INSR: variants seen among roughly 807,000 people sequenced by gnomAD.
INSR encodes insulin receptor.
INSR carries 67 observed loss-of-function variants against 142.6 expected under a neutral mutation model. The ratio of observed to expected loss-of-function variants is 0.47; its 90% CI spans 0.39 to 0.58. INSR has a LOEUF of 0.58. Ranked by LOEUF, INSR falls within the 20% of genes least tolerant of loss-of-function variation. INSR has a pLI of 0.00. For missense variants in INSR, 1,248 were observed against 1,833.2 expected (o/e 0.68, Z 5.83); for synonymous variants, 756 against 743.1 (o/e 1.02, Z -0.28).
chr19:7,283,601 G>C (rs534259447), intron 1 of INSR, among the ~76,000 whole-genome samples: 2 of 152,206 alleles, frequency 1.3e-5, no homozygotes, highest in East Asian at 3.9e-4. Context: ...CACCGTGCTC[G>C]GCTAATTTTT....
chr19:7,250,291 A>G (rs1270090870), intron 2 of INSR, among the ~76,000 whole-genome samples: 1 of 133,444 alleles, frequency 7.5e-6, no homozygotes, highest in East Asian at 2.5e-4. Context: ...AGGGGAGGAG[A>G]AGAAGGGGAG....
chr19:7,183,718 T>C (rs1395116054), intron 3 of INSR, among the ~76,000 whole-genome samples: 1 of 152,064 alleles, frequency 6.6e-6, no homozygotes, highest in Non-Finnish European at 1.5e-5. Context: ...CTGTCCTTAT[T>C]ATATTTTCTT....
At chr19:7,134,403 A>C (rs1035143513) in intron 13 of INSR, among the ~76,000 whole-genome samples, 1 of 152,026 alleles carries the variant, frequency 6.6e-6, no homozygotes, top group Non-Finnish European at 1.5e-5. Context: ...CTTAATGTCT[A>C]AGGACAAATA....
At chr19:7,158,418 G>A (rs993754270) in intron 9 of INSR, among the ~76,000 whole-genome samples, 9 of 152,164 alleles carry the variant, frequency 5.9e-5, no homozygotes, top group East Asian at 3.9e-4. Context: ...GGAGAATGGC[G>A]TGAACCCGGG....
rs1161289283 is a variant in INSR, at chr19:7,243,234, G to GTTTTTTT, written c.652+24104_652+24110dup. 5.3e-4 allele frequency among the ~76,000 whole-genome samples: 36 copies of GTTTTTTT among 68,212 alleles called. 2 individuals are homozygous for GTTTTTTT. Among genetic ancestry groups the GTTTTTTT allele is most frequent in the South Asian group, 8.4e-4 (1 of 1,188 alleles). The allele number at this position is 68,212 out of a possible 152,430, so 44.7% of individuals were successfully genotyped here. On this transcript the variant is annotated intron_variant, in intron 2 of 21. Transcript: ENST00000302850. ...TCACAGCCAGTCACACACTGTTTTGGTTTTTTTTTTTTTTTTTTTTTTTTT... is the reference window on the plus strand; with the variant it reads ...TCACAGCCAGTCACACACTGTTTTGGTTTTTTTTTTTTTTTTTTTTTTTTTTTTTTTT...
Position 7,122,752 on chromosome 19 carries a change from G to T in INSR, c.3391C>A (p.Pro1131Thr). The T allele has an allele frequency of 1.9e-6, 3 of 1,614,166 alleles. No homozygotes were observed. Among genetic ancestry groups the T allele is most frequent in the Non-Finnish European group, 2.5e-6 (3 of 1,180,004 alleles). The change falls in exon 19 of 22, where the codon CCT becomes ACT. Residue 1131 changes from proline (P) to threonine (T), a missense_variant. Transcript: ENST00000302850. ...ATCTGAATCATCTCTTGAAGGGTAG[G>T]GGGAGGGCGGCCAGGATTATTCTAA... ...EAENNPGRPP[P>T]TLQEMIQMAA...
chr19:7,206,308 C>T (rs1975103416), intron 2 of INSR, among the ~76,000 whole-genome samples: 1 of 150,916 alleles, frequency 6.6e-6, no homozygotes, highest in Non-Finnish European at 1.5e-5. Context: ...GCTGGGACTA[C>T]AGGCACACAC....
chr19:7,242,523 A>T (rs965756466), intron 2 of INSR, among the ~76,000 whole-genome samples: 1 of 151,944 alleles, frequency 6.6e-6, no homozygotes, highest in African/African-American at 2.4e-5. Context: ...AGATCACTTG[A>T]GGTCAGGAGT....
In INSR at chr19:7,272,646, C is replaced by G. The variant is rs528114630; in HGVS notation, c.101-4750G>C. ...AAACAAAAAACAAAACCAAAAAAAC[C>G]CCACGAAACAAAAACAAAAACAAAC... On this transcript the variant is annotated intron_variant, in intron 1 of 21. Coordinates refer to ENST00000302850, the MANE Select transcript of INSR (RefSeq NM_000208.4). Among the ~76,000 whole-genome samples, 3 of 152,044 alleles carry G rather than the reference C, an allele frequency of 2.0e-5. No individual in the cohort carries two copies. In the East Asian group the frequency reaches 5.8e-4, roughly 29 times the overall value.
chr19:7,162,912 G>A (rs1298366970), intron 9 of INSR, 120 bp downstream of exon 9: 8 of 820,840 alleles, frequency 9.7e-6, no homozygotes, highest in Non-Finnish European at 1.5e-5. Context: ...GAGTGTGTGT[G>A]TGTGTGCCTT....
At chr19:7,264,056 C>G (rs1339787228) in intron 2 of INSR, among the ~76,000 whole-genome samples, 2 of 151,948 alleles carry the variant, frequency 1.3e-5, no homozygotes, top group African/African-American at 4.8e-5. Flanking sequence ...GTAATCCTAG[C>G]TACTCGGGAG....
rs1406696026 is a variant in INSR, at chr19:7,153,011, CACCACACACACACACCA to C, written c.2030-101_2030-85del. 4.1e-5 allele frequency: 24 copies of C among 582,116 alleles called. 2 individuals are homozygous for C. The East Asian group carries it at 7.2e-4, about 17-fold the overall frequency. The allele number at this position is 582,116 out of a possible 1,614,324, so 36.1% of individuals were successfully genotyped here. A position where few individuals can be genotyped will look rare whatever the true frequency, so the allele number is the denominator to read the frequency against. On this transcript the variant is annotated intron_variant, in intron 9 of 21. Coordinates refer to ENST00000302850, the MANE Select transcript of INSR (RefSeq NM_000208.4). ...CACACACACACCCCACACACACACA[CACCACACACACACACCA>C]CACACACACACACCACACACCCCCC... is the stretch of plus-strand genomic sequence containing the variant.
At chr19:7,131,316 C>G (rs1454072233) in intron 14 of INSR, among the ~76,000 whole-genome samples, 1 of 151,782 alleles carries the variant, frequency 6.6e-6, no homozygotes, top group Non-Finnish European at 1.5e-5. Context: ...ATTATCTGTA[C>G]AGCAAACCCC....
In INSR at chr19:7,141,694, G is replaced by T; in HGVS notation, c.2665C>A (p.Arg889=). ...GGCCTTACCTCATCACCATATCGCC[G>T]ATAACTCACTTCATACAGCACGATC... The part of the protein sequence containing the change: ...GLIVLYEVSY[R]RYGDEELHLC... The change falls in exon 13 of 22, where the codon CGG becomes AGG. Residue 889 remains arginine, a synonymous_variant. Transcript: ENST00000302850. 6.2e-7 allele frequency: 1 copy of T among 1,614,168 alleles called. No individual in the cohort carries two copies. Among genetic ancestry groups the T allele is most frequent in the South Asian group, 1.1e-5 (1 of 91,090 alleles).
rs546415055 is a variant in INSR at position 7,112,360 on chromosome 19, A to G, written c.*4696T>C. ...CCAAAAAAAAAGGCGTCTTCTGTAC[A>G]TGGTGCTACTTGGCTCTTGTAGGAA... is the stretch of plus-strand genomic sequence containing the variant. On this transcript the variant is annotated 3_prime_UTR_variant, in exon 22 of 22. Coordinates refer to ENST00000302850, the MANE Select transcript of INSR (RefSeq NM_000208.4). The G allele has an allele frequency of 1.2e-4, 18 of 152,192 alleles. No homozygotes were observed. Among genetic ancestry groups the G allele is most frequent in the Non-Finnish European group, 1.8e-4 (12 of 68,024 alleles). The allele number at this position is 152,192 out of a possible 1,614,324, so 9.4% of individuals were successfully genotyped here. A position where few individuals can be genotyped will look rare whatever the true frequency, so the allele number is the denominator to read the frequency against.
intron 2 of INSR, among the ~76,000 whole-genome samples, chr19:7,227,348 C>T (rs1423774310): frequency 1.3e-5 from 2 of 151,950 alleles, no homozygotes; most frequent in Non-Finnish European, 2.9e-5. Context: ...TCACAGCTCA[C>T]CGCAGCCTCA....
At chr19:7,194,300 C>G (rs1226348844) in intron 2 of INSR, among the ~76,000 whole-genome samples, 1 of 151,866 alleles carries the variant, frequency 6.6e-6, no homozygotes. Flanking sequence ...ACCTATAATC[C>G]CAGCTACTTG....
At chr19:7,193,236 T>C (rs1229526874) in intron 2 of INSR, among the ~76,000 whole-genome samples, 1 of 151,556 alleles carries the variant, frequency 6.6e-6, no homozygotes, top group East Asian at 2.0e-4. Flanking sequence ...CTTCTGCTCA[T>C]GCCTGTAATC....
chr19:7,218,875 G>A (rs1975515919), intron 2 of INSR, among the ~76,000 whole-genome samples: 1 of 152,090 alleles, frequency 6.6e-6, no homozygotes, highest in Non-Finnish European at 1.5e-5. Context: ...ATAATCTGAG[G>A]AAATCGTATG....
Sources: gnomAD v4.1 joint callset for allele counts (sites outside exome capture counted in the v4.1 genomes callset) on GRCh38, gnomAD v4.1.1 for gene constraint, MANE v1.5 for transcripts, NCBI Gene and HGNC (gene_info 2026-07-23, HGNC 2026-07-21) for gene names.